Variants in EFHC1 observed in about 807,000 individuals in gnomAD.
The protein encoded by EFHC1 is EF-hand domain-containing protein 1.
A neutral mutation model predicts 69.9 loss-of-function variants in EFHC1; 53 were observed. That is an observed-to-expected ratio of 0.76 (90% CI 0.61 to 0.95). The LOEUF (loss-of-function observed/expected upper bound fraction) is 0.95. Among genes scored for constraint, EFHC1 ranks in the 40% least tolerant of loss-of-function variants. The pLI, the probability that EFHC1 is intolerant of heterozygous loss-of-function variation, is 0.00. For synonymous variants in EFHC1, 256 were observed against 278.4 expected, an observed-to-expected ratio of 0.92 and a Z score of 0.80; for missense variants, 739 against 798.7, an observed-to-expected ratio of 0.93 and a Z score of 0.90.
intron 9 of EFHC1, chr6:52,483,955 T>C (rs1206250445): frequency 2.0e-5 from 3 of 152,228 alleles, no homozygotes; most frequent in African/African-American, 7.2e-5. Flanking sequence ...TGGGGAGGTT[T>C]GGTGCAAGGG....
At chr6:52,472,631 CT>C (rs1484477022) in intron 7 of EFHC1, among the ~76,000 whole-genome samples, 1 of 151,178 alleles carries the variant, frequency 6.6e-6, no homozygotes, top group East Asian at 1.9e-4. Context: ...AAAGATGTAT[CT>C]TTATCATACA....
intron 3 of EFHC1, among the ~76,000 whole-genome samples, chr6:52,445,023 T>C (rs1216692651): frequency 6.6e-6 from 1 of 151,578 alleles, no homozygotes; most frequent in Non-Finnish European, 1.5e-5. Flanking sequence ...GTTGGGAGGG[T>C]GTGTGTGTCC....
intron 9 of EFHC1, chr6:52,481,980 T>A (rs1355773839): frequency 6.6e-6 from 1 of 152,170 alleles, no homozygotes; most frequent in African/African-American, 2.4e-5. Flanking sequence ...CATAGGACTG[T>A]AAAAAATAAC....
rs180761189 is a variant in EFHC1, at chr6:52,477,196, G to A, written c.1279-1841G>A. On this transcript the variant is annotated intron_variant, in intron 7 of 10. Coordinates refer to ENST00000371068, the MANE Select transcript of EFHC1 (RefSeq NM_018100.4). The stretch of plus-strand genomic sequence containing the variant: ...TCTTTGAAGGTTTGAGAGCAGAGGA[G>A]TGATATGATTTGATTTTAACTATAT... Among the ~76,000 whole-genome samples the A allele has an allele frequency of 1.8e-3, 266 of 151,990 alleles. 2 individuals are homozygous for A. The highest frequency in any genetic ancestry group is 5.6e-3 in the African/African-American group (234 of 41,446).
At chr6:52,474,155 T>TA (rs1329388673) in intron 7 of EFHC1, among the ~76,000 whole-genome samples, 1 of 151,990 alleles carries the variant, frequency 6.6e-6, no homozygotes, top group African/African-American at 2.4e-5. Flanking sequence ...GCTACAAAGA[T>TA]AAAAAAATAA....
chr6:52,432,048 G>T (rs942078031), intron 2 of EFHC1, among the ~76,000 whole-genome samples: 1 of 152,050 alleles, frequency 6.6e-6, no homozygotes, highest in East Asian at 1.9e-4. Context: ...TTTGCATGGA[G>T]TTTCTTTATC....
At chr6:52,474,845 C>T (rs1765511674) in intron 7 of EFHC1, among the ~76,000 whole-genome samples, 1 of 152,050 alleles carries the variant, frequency 6.6e-6, no homozygotes, top group African/African-American at 2.4e-5. Context: ...TAAAGAAAAC[C>T]ATACAATTCA....
Position 52,493,383 on chromosome 6 carries a change from T to TATATATATATATATATATA in EFHC1, c.*1044_*1045insATATATATATATATATAAT, listed in dbSNP as rs764160781. 8.9e-6 allele frequency: 2 copies of TATATATATATATATATATA among 223,956 alleles called. No homozygotes were observed. Among genetic ancestry groups the TATATATATATATATATATA allele is most frequent in the South Asian group, 5.6e-5 (1 of 17,926 alleles). The allele number at this position is 223,956 out of a possible 1,614,324, so 13.9% of individuals were successfully genotyped here. ...CTCTCTACATATATATATATATATA[T>TATATATATATATATATATA]ATTTTATATGTACACATTCATACAC... On this transcript the variant is annotated 3_prime_UTR_variant, in exon 11 of 11. Transcript: ENST00000371068.
chr6:52,470,554 A>G (rs1322328124), intron 7 of EFHC1, among the ~76,000 whole-genome samples: 1 of 152,206 alleles, frequency 6.6e-6, no homozygotes, highest in Admixed American at 6.5e-5. Context: ...TATTGTACCC[A>G]TTTTATGTTT....
At chr6:52,427,021 T>C (rs879470880) in intron 2 of EFHC1, among the ~76,000 whole-genome samples, 5 of 152,218 alleles carry the variant, frequency 3.3e-5, no homozygotes, top group Non-Finnish European at 7.3e-5. Context: ...CACTGTGACA[T>C]GAAAGTCATC....
intron 2 of EFHC1, among the ~76,000 whole-genome samples, chr6:52,434,866 A>G (rs991837979): frequency 3.3e-5 from 5 of 151,156 alleles, no homozygotes; most frequent in Admixed American, 2.0e-4. Flanking sequence ...TTCGGTTAGC[A>G]TATTCTTTAC....
Position 52,490,203 on chromosome 6 carries a change from G to A in EFHC1, c.1704G>A (p.Lys568=). The A allele has an allele frequency of 6.2e-7, 1 of 1,614,078 alleles. No homozygotes were observed. The highest frequency in any genetic ancestry group is 1.1e-5 in the South Asian group (1 of 91,084). ...AAGCATTAATAGACACAATTCAGAA[G>A]CAACTGAAAGATCACTCATGCAAAG... The part of the protein sequence containing the change: ...ELEALIDTIQ[K]QLKDHSCKDN... The change falls in exon 10 of 11, where the codon AAG becomes AAA. Residue 568 remains lysine (K), a synonymous_variant. Transcript: ENST00000371068.
At chr6:52,457,839 A>C (rs1176097513) in intron 5 of EFHC1, among the ~76,000 whole-genome samples, 1 of 152,224 alleles carries the variant, frequency 6.6e-6, no homozygotes, top group Non-Finnish European at 1.5e-5. Flanking sequence ...TGTTCCAGAA[A>C]GTTGAATGTA....
chr6:52,420,425 C>G lies in EFHC1; in HGVS notation c.15C>G (p.Pro5=), dbSNP rs1339961633. ...TACCGGCTGCAATGGTGTCCAATCC[C>G]GTGCATGGCTTGCCCTTTCTTCCGG... MVSN[P]VHGLPFLPGT... The change falls in exon 1 of 11, where the codon CCC becomes CCG. Residue 5 remains proline, a synonymous_variant. Coordinates refer to ENST00000371068, the MANE Select transcript of EFHC1 (RefSeq NM_018100.4). 6.2e-7 allele frequency: 1 copy of G among 1,614,214 alleles called. No homozygotes were observed. The highest frequency in any genetic ancestry group is 8.5e-7 in the Non-Finnish European group (1 of 1,180,024).
At chr6:52,447,653 T>A (rs1764817952) in intron 3 of EFHC1, among the ~76,000 whole-genome samples, 1 of 152,250 alleles carries the variant, frequency 6.6e-6, no homozygotes, top group Non-Finnish European at 1.5e-5. Flanking sequence ...GCACTCTGAT[T>A]TTTAGAATTT....
chr6:52,489,688 T>G (rs1765855466), intron 9 of EFHC1, among the ~76,000 whole-genome samples: 1 of 152,188 alleles, frequency 6.6e-6, no homozygotes, highest in Non-Finnish European at 1.5e-5. Flanking sequence ...GGAATAATAT[T>G]AAAACTATAA....
chr6:52,442,269 T>C (rs1012832219), intron 3 of EFHC1, among the ~76,000 whole-genome samples: 1 of 152,098 alleles, frequency 6.6e-6, no homozygotes, highest in Admixed American at 6.6e-5. Flanking sequence ...TTTTGAGGTG[T>C]GTTCCTTTAA....
At chr6:52,480,081 A>G (rs1304941632) in intron 9 of EFHC1, 1 of 593,832 alleles carries the variant, frequency 1.7e-6, no homozygotes, top group Admixed American at 3.0e-5. Context: ...AAACTTAACT[A>G]CTAATAGCCT....
Position 52,490,134 on chromosome 6 carries a change from C to T in EFHC1, c.1641-6C>T. The stretch of plus-strand genomic sequence containing the variant: ...ATGTGCAGTCATTTCCTTCCTTTCT[C>T]TACAGCAAGCAAACTGAAAAGGATC... On this transcript the variant is annotated splice_region_variant and splice_polypyrimidine_tract_variant and intron_variant, in intron 9 of 10. Transcript: ENST00000371068. 2 of 1,613,420 alleles carry T rather than the reference C, an allele frequency of 1.2e-6. No individual in the cohort carries two copies. The highest frequency in any genetic ancestry group is 8.5e-7 in the Non-Finnish European group (1 of 1,179,584).
Sources: gnomAD v4.1 joint callset for allele counts (sites outside exome capture counted in the v4.1 genomes callset) on GRCh38, gnomAD v4.1.1 for gene constraint, MANE v1.5 for transcripts, NCBI Gene and HGNC (gene_info 2026-07-23, HGNC 2026-07-21) for gene names.